CTNNA3: variants seen among roughly 807,000 people sequenced by gnomAD.
CTNNA3 encodes catenin alpha-3.
CTNNA3 carries 76 observed loss-of-function variants against 95.7 expected under a neutral mutation model. That is an observed-to-expected ratio of 0.79 (90% confidence interval 0.66 to 0.96). The LOEUF is 0.96. CTNNA3 is among the 40% of genes least tolerant of loss of function. The probability of loss-of-function intolerance (pLI) is 0.00; values close to 1 mark genes in which losing one functional copy is unlikely to be tolerated. For synonymous variants in CTNNA3, 431 were observed against 374.4 expected (o/e 1.15, Z -1.74); for missense variants, 1,191 against 1,089.8 (o/e 1.09, Z -1.31).
chr10:67,215,754 A>G (rs1336573254), intron 6 of CTNNA3, among the ~76,000 whole-genome samples: 1 of 152,178 alleles, frequency 6.6e-6, no homozygotes, highest in African/African-American at 2.4e-5. Flanking sequence ...GTCAAATTTT[A>G]AAGATTCCCA....
At chr10:66,638,860 A>G (rs573869131) in intron 9 of CTNNA3, among the ~76,000 whole-genome samples, 2 of 152,180 alleles carry the variant, frequency 1.3e-5, no homozygotes, top group African/African-American at 4.8e-5. Flanking sequence ...CATCTTGTAG[A>G]ATACAAAATC....
At position 66,871,528 on chromosome 10, in the gene CTNNA3, C is replaced by A. The variant is rs192143611; in HGVS notation, c.1048-96004G>T. 3.8e-4 allele frequency among the ~76,000 whole-genome samples: 53 copies of A among 140,080 alleles called. No individual in the cohort carries two copies. The East Asian group carries it at 0.011, about 29-fold the overall frequency. The allele number at this position is 140,080 out of a possible 152,430, so 91.9% of individuals were successfully genotyped here. On this transcript the variant is annotated intron_variant, in intron 7 of 17. Transcript: ENST00000433211. Reference sequence around the variant, plus strand: ...GGTGAGCTGAGATCGCACCACTGCACTCCAGCCTGGGCAACAAGAGTGAAA... The same window carrying A: ...GGTGAGCTGAGATCGCACCACTGCAATCCAGCCTGGGCAACAAGAGTGAAA...
intron 5 of CTNNA3, among the ~76,000 whole-genome samples, chr10:67,372,653 C>T (rs1843522909): frequency 6.6e-6 from 1 of 152,066 alleles, no homozygotes; most frequent in African/African-American, 2.4e-5. Flanking sequence ...TCGAGAAGAG[C>T]AACTCCAAGA....
rs61065088 is a variant in CTNNA3 at position 66,145,482 on chromosome 10, A to C, written c.1885-42233T>G. ...AAAGGACTCCAGGAAAGAGTTCCTG[A>C]CACCCAAATATCTCTATATATCATT... On this transcript the variant is annotated intron_variant, in intron 13 of 17. Coordinates refer to ENST00000433211, the MANE Select transcript of CTNNA3 (RefSeq NM_013266.4). Among the ~76,000 whole-genome samples the C allele has an allele frequency of 6.8e-4, 104 of 152,292 alleles. 1 individual carries two copies. The East Asian group carries it at 0.018, about 27-fold the overall frequency.
At chr10:67,317,502 T>G (rs1841108982) in intron 5 of CTNNA3, among the ~76,000 whole-genome samples, 1 of 151,838 alleles carries the variant, frequency 6.6e-6, no homozygotes, top group African/African-American at 2.4e-5. Flanking sequence ...CTTGGCTCAC[T>G]GCAACCTCCG....
intron 9 of CTNNA3, among the ~76,000 whole-genome samples, chr10:66,729,594 G>A (rs546462485): frequency 6.6e-6 from 1 of 152,310 alleles, no homozygotes; most frequent in Non-Finnish European, 1.5e-5. Context: ...TAAGCTATGA[G>A]GATGCAAAGG....
At chr10:66,839,230 T>C (rs1255724324) in intron 7 of CTNNA3, among the ~76,000 whole-genome samples, 2 of 152,168 alleles carry the variant, frequency 1.3e-5, no homozygotes, top group African/African-American at 4.8e-5. Flanking sequence ...CTTTATTCTG[T>C]GACATTTGTC....
At chr10:67,094,491 A>T (rs1857846333) in intron 7 of CTNNA3, among the ~76,000 whole-genome samples, 1 of 151,846 alleles carries the variant, frequency 6.6e-6, no homozygotes, top group African/African-American at 2.4e-5. Context: ...AATTAAAAAG[A>T]AAATTACTGG....
chr10:67,717,441 A>G (rs1841150866), intron 1 of CTNNA3, among the ~76,000 whole-genome samples: 1 of 151,892 alleles, frequency 6.6e-6, no homozygotes, highest in African/African-American at 2.4e-5. Context: ...TAGGGTTTTT[A>G]TGGTTTTCAG....
intron 1 of CTNNA3, among the ~76,000 whole-genome samples, chr10:67,725,246 G>A (rs1449085300): frequency 3.3e-5 from 5 of 150,972 alleles, no homozygotes; most frequent in Non-Finnish European, 5.9e-5. Flanking sequence ...GCACGATCTC[G>A]GCTCACTGCA....
At chr10:66,886,043 G>A (rs1845029675) in intron 7 of CTNNA3, among the ~76,000 whole-genome samples, 2 of 152,130 alleles carry the variant, frequency 1.3e-5, no homozygotes, top group African/African-American at 4.8e-5. Flanking sequence ...TTTCCTTACT[G>A]CCGCCATAAC....
At chr10:67,640,096 T>C (rs1230472847) in intron 2 of CTNNA3, among the ~76,000 whole-genome samples, 2 of 152,184 alleles carry the variant, frequency 1.3e-5, no homozygotes, top group African/African-American at 4.8e-5. Flanking sequence ...ATTGTATATC[T>C]AGAAAACCCC....
At chr10:67,407,774 C>G (rs960737926) in intron 5 of CTNNA3, among the ~76,000 whole-genome samples, 2 of 152,100 alleles carry the variant, frequency 1.3e-5, no homozygotes, top group African/African-American at 4.8e-5. Flanking sequence ...GGAACAACAG[C>G]AGGCAAGTAG....
At chr10:67,421,997 G>A (rs969624488) in intron 5 of CTNNA3, among the ~76,000 whole-genome samples, 1 of 152,068 alleles carries the variant, frequency 6.6e-6, no homozygotes, top group Non-Finnish European at 1.5e-5. Context: ...TTGTGCTATT[G>A]TTATCAAAAA....
At chr10:67,752,178 T>C (rs1019210369) in intron 1 of CTNNA3, among the ~76,000 whole-genome samples, 1 of 152,050 alleles carries the variant, frequency 6.6e-6, no homozygotes, top group African/African-American at 2.4e-5. Flanking sequence ...CATACACAAA[T>C]CAATAAATGT....
chr10:66,206,742 T>C (rs566854076), intron 13 of CTNNA3, among the ~76,000 whole-genome samples: 387 of 152,088 alleles, frequency 2.5e-3, no homozygotes, highest in Middle Eastern at 0.01. Flanking sequence ...ATTTTCTTTG[T>C]AAAATGAAAG....
chr10:66,225,551 T>C (rs2089239511), intron 13 of CTNNA3, among the ~76,000 whole-genome samples: 1 of 151,358 alleles, frequency 6.6e-6, no homozygotes, highest in Non-Finnish European at 1.5e-5. Flanking sequence ...GGGATACATA[T>C]ATCTTTCTGA....
intron 5 of CTNNA3, chr10:67,403,556 A>C (rs1470436716): frequency 1.3e-5 from 2 of 152,140 alleles, no homozygotes; most frequent in African/African-American, 4.8e-5. Context: ...CAAAGTTCTA[A>C]TTTCTCCCTG....
intron 7 of CTNNA3, among the ~76,000 whole-genome samples, chr10:66,833,540 T>C (rs1360349388): frequency 1.3e-5 from 2 of 152,230 alleles, no homozygotes; most frequent in Admixed American, 6.5e-5. Context: ...GGGTTTATTA[T>C]TTCTGTTTTG....
Sources: allele counts gnomAD v4.1 joint callset (sites outside exome capture counted in the v4.1 genomes callset), GRCh38; gene constraint gnomAD v4.1.1; transcripts MANE v1.5; gene names NCBI Gene and HGNC (gene_info 2026-07-23, HGNC 2026-07-21).